CACHD1: variants seen among roughly 807,000 people sequenced by gnomAD.
The protein encoded by CACHD1 is cache domain containing 1.
Under a neutral mutation model 138.7 loss-of-function variants are expected in CACHD1, and 71 were observed. The ratio of observed to expected loss-of-function variants is 0.51; its 90% CI spans 0.42 to 0.62. The LOEUF is 0.62. Among genes scored for constraint, CACHD1 ranks in the 20% least tolerant of loss-of-function variants. The pLI, the probability that CACHD1 is intolerant of heterozygous loss-of-function variation, is 0.00. For synonymous variants in CACHD1, 578 were observed against 591.5 expected, an observed-to-expected ratio of 0.98 and a Z score of 0.33; for missense variants, 1,389 against 1,625.3, an observed-to-expected ratio of 0.85 and a Z score of 2.50.
intron 2 of CACHD1, among the ~76,000 whole-genome samples, chr1:64,551,413 TG>T (rs555424119): frequency 3.2e-4 from 48 of 152,274 alleles, no homozygotes; most frequent in Non-Finnish European, 5.9e-4. Flanking sequence ...AAATAGGAGT[TG>T]GTTTTAATTT....
intron 3 of CACHD1, among the ~76,000 whole-genome samples, chr1:64,597,369 G>A (rs1318519987): frequency 1.3e-5 from 2 of 152,076 alleles, no homozygotes; most frequent in African/African-American, 2.4e-5. Flanking sequence ...CAGAGCAAAC[G>A]TCAATCAAGT....
chr1:64,677,286 C>G (rs1431299924), intron 22 of CACHD1, among the ~76,000 whole-genome samples: 1 of 152,076 alleles, frequency 6.6e-6, no homozygotes, highest in Non-Finnish European at 1.5e-5. Flanking sequence ...GAGGAGGAAC[C>G]CCTGAGGTCC....
intron 2 of CACHD1, among the ~76,000 whole-genome samples, chr1:64,565,560 G>T (rs929712839): frequency 6.6e-6 from 1 of 152,154 alleles, no homozygotes; most frequent in African/African-American, 2.4e-5. Context: ...CTACAGAAAA[G>T]AAGCTAATTT....
chr1:64,663,554 A>AC, intron 13 of CACHD1, 141 bp from the exon 14 acceptor site: 5 of 1,114,830 alleles, frequency 4.5e-6, no homozygotes, highest in Non-Finnish European at 6.3e-6. Flanking sequence ...CCATCTGAAA[A>AC]AAAAAAAAAA....
chr1:64,597,262 T>C (rs1386205771), intron 3 of CACHD1, among the ~76,000 whole-genome samples: 1 of 152,092 alleles, frequency 6.6e-6, no homozygotes, highest in Non-Finnish European at 1.5e-5. Flanking sequence ...TCTTCTACAT[T>C]TGCTGATCTC....
At chr1:64,600,755 G>A (rs1223621542) in intron 3 of CACHD1, among the ~76,000 whole-genome samples, 1 of 152,194 alleles carries the variant, frequency 6.6e-6, no homozygotes, top group Non-Finnish European at 1.5e-5. Flanking sequence ...GAATATGGAG[G>A]CAGTTGACAT....
At chr1:64,629,618 T>G (rs1009885655) in intron 5 of CACHD1, 137 bp downstream of exon 5, 5 of 1,096,508 alleles carry the variant, frequency 4.6e-6, no homozygotes, top group Non-Finnish European at 6.3e-6. Context: ...TGAAATGAAT[T>G]CACCATTTAG....
rs552487692 is a variant in CACHD1 at position 64,472,284 on chromosome 1, T to A, written c.198+1342T>A. On this transcript the variant is annotated intron_variant, in intron 1 of 26. Transcript: ENST00000651257. ...CGTTCTTCTCCTCCTCTTTCTTTTC[T>A]TTTTCCTTCTTCCTTCCTCTTCTTT... 2.1e-4 allele frequency among the ~76,000 whole-genome samples: 32 copies of A among 152,182 alleles called. No homozygotes were observed. The South Asian group carries it at 6.6e-3, about 32-fold the overall frequency.
intron 2 of CACHD1, among the ~76,000 whole-genome samples, chr1:64,561,069 G>C (rs1157784551): frequency 2.0e-5 from 3 of 151,640 alleles, no homozygotes; most frequent in Non-Finnish European, 4.4e-5. Flanking sequence ...ATATAGATGA[G>C]ACTTGTTTTT....
chr1:64,501,636 T>C lies in CACHD1; in HGVS notation c.198+30694T>C, dbSNP rs188811692. 3.3e-5 allele frequency among the ~76,000 whole-genome samples: 5 copies of C among 152,346 alleles called. No homozygotes were observed. In the East Asian group the frequency reaches 9.6e-4, roughly 29 times the overall value. On this transcript the variant is annotated intron_variant, in intron 1 of 26. Transcript: ENST00000651257. ...GGTGAAATTACTTCTACTTCTGGTGTTTTTGTGCACAAAAATACCCAACCA... is the reference window on the plus strand; with the variant it reads ...GGTGAAATTACTTCTACTTCTGGTGCTTTTGTGCACAAAAATACCCAACCA...
chr1:64,625,260 C>T (rs1307755849), intron 4 of CACHD1, among the ~76,000 whole-genome samples: 1 of 152,008 alleles, frequency 6.6e-6, no homozygotes, highest in East Asian at 1.9e-4. Context: ...TGCATTTGGA[C>T]AGAAAGAGTG....
At position 64,647,943 on chromosome 1, in the gene CACHD1, G is replaced by T. The variant is rs754217334; in HGVS notation, c.1299G>T (p.Glu433Asp). ...MMVLNQLSNLETTVGRFYTNL... is the reference protein window; with the variant it reads ...MMVLNQLSNLDTTVGRFYTNL... ...TGCTGAATCAGTTGAGCAACCTGGA[G>T]ACCACAGTGGGCAGGTTCTACACAA... is the stretch of plus-strand genomic sequence containing the variant. Residue 433 changes from glutamate to aspartate, a missense_variant, in exon 9 of 27, where the codon GAG becomes GAT. By Grantham distance (45) the Glu-to-Asp change is conservative (BLOSUM62 2). Transcript: ENST00000651257. The T allele has an allele frequency of 8.7e-6, 14 of 1,614,034 alleles. No homozygotes were observed. Among genetic ancestry groups the T allele is most frequent in the Non-Finnish European group, 1.2e-5 (14 of 1,179,994 alleles).
intron 4 of CACHD1, among the ~76,000 whole-genome samples, chr1:64,615,313 A>T (rs1404640565): frequency 3.3e-5 from 5 of 152,156 alleles, no homozygotes; most frequent in African/African-American, 1.2e-4. Flanking sequence ...GGAGGAAAGG[A>T]GAATTGAGAA....
chr1:64,639,488 A>T (rs981449908), intron 7 of CACHD1, among the ~76,000 whole-genome samples: 3 of 152,228 alleles, frequency 2.0e-5, no homozygotes, highest in African/African-American at 7.2e-5. Flanking sequence ...TGAAATTTAA[A>T]TGTGCAGTTA....
chr1:64,578,180 T>C (rs951532069), intron 2 of CACHD1, among the ~76,000 whole-genome samples: 1 of 152,222 alleles, frequency 6.6e-6, no homozygotes. Flanking sequence ...CCGCAGCGAG[T>C]GCATGAGCAC....
chr1:64,474,859 G>A (rs892955065), intron 1 of CACHD1, among the ~76,000 whole-genome samples: 1 of 152,232 alleles, frequency 6.6e-6, no homozygotes, highest in African/African-American at 2.4e-5. Context: ...GCTGGGCTGG[G>A]CACACTTACT....
chr1:64,517,879 A>G (rs1366102530), intron 1 of CACHD1, among the ~76,000 whole-genome samples: 2 of 152,142 alleles, frequency 1.3e-5, no homozygotes, highest in African/African-American at 4.8e-5. Flanking sequence ...TGCCTACTCT[A>G]TGTCATTGAT....
chr1:64,567,667 T>A (rs1354619738), intron 2 of CACHD1, among the ~76,000 whole-genome samples: 1 of 152,216 alleles, frequency 6.6e-6, no homozygotes, highest in Non-Finnish European at 1.5e-5. Flanking sequence ...CCCATGTTCT[T>A]AACCATGTTC....
At chr1:64,650,414 T>C (rs1024425273) in intron 9 of CACHD1, among the ~76,000 whole-genome samples, 1 of 152,318 alleles carries the variant, frequency 6.6e-6, no homozygotes, top group East Asian at 1.9e-4. Flanking sequence ...AACCTATTTA[T>C]CCTGGGAGAC....
Sources: gnomAD v4.1 joint callset for allele counts (sites outside exome capture counted in the v4.1 genomes callset) on GRCh38, gnomAD v4.1.1 for gene constraint, MANE v1.5 for transcripts, NCBI Gene and HGNC (gene_info 2026-07-23, HGNC 2026-07-21) for gene names.